DPF3: variants seen among roughly 807,000 people sequenced by gnomAD.
DPF3 encodes zinc finger protein DPF3.
In DPF3, 18 loss-of-function variants were observed where a neutral mutation model predicts 56.8. The ratio of observed to expected loss-of-function variants is 0.32; its 90% CI spans 0.22 to 0.47. The LOEUF is 0.47. Among genes scored for constraint, DPF3 ranks in the 20% least tolerant of loss-of-function variants. The pLI, the probability that DPF3 is intolerant of heterozygous loss-of-function variation, is 1.00. For missense variants in DPF3, 403 were observed against 488.8 expected, an observed-to-expected ratio of 0.82 and a Z score of 1.65; for synonymous variants, 188 against 180.2, an observed-to-expected ratio of 1.04 and a Z score of -0.35.
At chr14:72,701,828 C>T (rs901098637) in intron 6 of DPF3, among the ~76,000 whole-genome samples, 7 of 152,196 alleles carry the variant, frequency 4.6e-5, no homozygotes, top group African/African-American at 1.7e-4. Flanking sequence ...TCACCAGCCA[C>T]AGCTCATTCC....
chr14:72,625,377 C>T (rs1036596584), intron 9 of DPF3, among the ~76,000 whole-genome samples: 6 of 152,178 alleles, frequency 3.9e-5, no homozygotes, highest in Middle Eastern at 3.4e-3. Context: ...TTGGTCATTA[C>T]GGGTTCCTTC....
intron 3 of DPF3, 47 bp downstream of exon 3, chr14:72,753,217 C>T: frequency 1.3e-6 from 2 of 1,582,202 alleles, no homozygotes; most frequent in Non-Finnish European, 8.6e-7. Flanking sequence ...GCCCAGTCCT[C>T]CCACCTTTCC....
chr14:72,813,802 A>G (rs1883166812), intron 1 of DPF3, among the ~76,000 whole-genome samples: 1 of 152,190 alleles, frequency 6.6e-6, no homozygotes, highest in Admixed American at 6.5e-5. Flanking sequence ...AAATGAGATG[A>G]TGGATGCTGG....
chr14:72,885,113 G>A (rs191863350), intron 1 of DPF3, among the ~76,000 whole-genome samples: 204 of 144,496 alleles, frequency 1.4e-3, no homozygotes, highest in African/African-American at 4.7e-3. Flanking sequence ...GCGACAGAGC[G>A]AGACTCCGTC....
intron 6 of DPF3, among the ~76,000 whole-genome samples, chr14:72,713,934 C>T (rs1888772398): frequency 6.6e-6 from 1 of 152,250 alleles, no homozygotes; most frequent in East Asian, 1.9e-4. Flanking sequence ...AGTAAGTCAT[C>T]GTCATAGAAA....
At chr14:72,680,601 C>T (rs1295268955) in intron 7 of DPF3, among the ~76,000 whole-genome samples, 1 of 152,234 alleles carries the variant, frequency 6.6e-6, no homozygotes, top group African/African-American at 2.4e-5. Flanking sequence ...GGAGCGGATG[C>T]GGAAGGCGCT....
intron 6 of DPF3, among the ~76,000 whole-genome samples, chr14:72,707,994 T>C (rs1426848469): frequency 6.6e-6 from 1 of 152,140 alleles, no homozygotes; most frequent in African/African-American, 2.4e-5. Flanking sequence ...TCTACAATGG[T>C]TAATATCTAC....
intron 1 of DPF3, among the ~76,000 whole-genome samples, chr14:72,888,117 C>A (rs540288258): frequency 2.6e-5 from 4 of 152,098 alleles, no homozygotes; most frequent in East Asian, 1.9e-4. Context: ...GGACTCAATG[C>A]GGGCTATTTG....
chr14:72,670,635 TTCTC>T lies in DPF3; in HGVS notation c.871+3601_871+3604del, dbSNP rs140358812. ...ATTGCTTCGATTTCTTTGATTTCCCTTCTCTCTCTCTCTCTCTCTCTCTCGCAAA... is the reference window on the plus strand; with the variant it reads ...ATTGCTTCGATTTCTTTGATTTCCCTTCTCTCTCTCTCTCTCTCTCGCAAA... On this transcript the variant is annotated intron_variant, in intron 8 of 10. Transcript: ENST00000556509. The T allele has an allele frequency of 1.1e-3, 995 of 922,770 alleles. 2 individuals are homozygous for T. Among genetic ancestry groups the T allele is most frequent in the African/African-American group, 7.1e-3 (392 of 55,190 alleles). The allele number at this position is 922,770 out of a possible 1,614,324, so 57.2% of individuals were successfully genotyped here.
At chr14:72,790,438 A>G (rs1027506114) in intron 1 of DPF3, among the ~76,000 whole-genome samples, 17 of 152,164 alleles carry the variant, frequency 1.1e-4, no homozygotes, top group African/African-American at 4.1e-4. Context: ...TGAGCATTCC[A>G]TAATACATGA....
chr14:72,693,737 C>T (rs1189995897), intron 6 of DPF3, among the ~76,000 whole-genome samples: 1 of 152,218 alleles, frequency 6.6e-6, no homozygotes, highest in Admixed American at 6.5e-5. Context: ...CAGGAGCACA[C>T]AACTAGTGTG....
chr14:72,861,778 A>AGAAAGAAT, intron 1 of DPF3, among the ~76,000 whole-genome samples: 1 of 150,448 alleles, frequency 6.6e-6, no homozygotes, highest in South Asian at 2.1e-4. Flanking sequence ...AAAGAAAGAA[A>AGAAAGAAT]GAAAGAAAGA....
chr14:72,848,713 G>C (rs1884855967), intron 1 of DPF3, among the ~76,000 whole-genome samples: 1 of 152,182 alleles, frequency 6.6e-6, no homozygotes, highest in South Asian at 2.1e-4. Context: ...CCGTATCCAG[G>C]TGACTACAAT....
intron 8 of DPF3, among the ~76,000 whole-genome samples, chr14:72,668,680 T>G (rs953382254): frequency 1.4e-5 from 2 of 146,982 alleles, no homozygotes; most frequent in African/African-American, 4.9e-5. Flanking sequence ...ATATGTGGAT[T>G]AAAAAAAAAA....
intron 6 of DPF3, among the ~76,000 whole-genome samples, chr14:72,709,150 G>A (rs553289527): frequency 2.0e-5 from 3 of 152,230 alleles, no homozygotes; most frequent in Non-Finnish European, 2.9e-5. Context: ...CACACTCCCC[G>A]ACTGGGTTTC....
chr14:72,661,324 G>A lies in DPF3; in HGVS notation c.871+12916C>T, dbSNP rs547046567. On this transcript the variant is annotated intron_variant, in intron 8 of 10. Transcript: ENST00000556509. Reference sequence around the variant, plus strand: ...GGAAACCTGAAAGGACTGGCAGGAAGTCGGTGCCCACCTGCCCTGCCCTTT... The same window carrying A: ...GGAAACCTGAAAGGACTGGCAGGAAATCGGTGCCCACCTGCCCTGCCCTTT... 12 of 985,418 alleles carry A rather than the reference G, an allele frequency of 1.2e-5. No homozygotes were observed. In the South Asian group the frequency reaches 2.3e-4, roughly 19 times the overall value. The allele number at this position is 985,418 out of a possible 1,614,324, so 61.0% of individuals were successfully genotyped here.
intron 1 of DPF3, among the ~76,000 whole-genome samples, chr14:72,845,731 T>C (rs2140074879): frequency 6.6e-6 from 1 of 152,250 alleles, no homozygotes; most frequent in Middle Eastern, 3.4e-3. Flanking sequence ...ATCTCCAACA[T>C]CTGTTTCTTT....
At chr14:72,824,532 C>T (rs2140039955) in intron 1 of DPF3, among the ~76,000 whole-genome samples, 1 of 151,042 alleles carries the variant, frequency 6.6e-6, no homozygotes, top group Middle Eastern at 3.4e-3. Flanking sequence ...ATCTCTTTTT[C>T]CATTTACGTT....
chr14:72,751,060 T>G (rs1447498431), intron 3 of DPF3, among the ~76,000 whole-genome samples: 1 of 152,026 alleles, frequency 6.6e-6, no homozygotes, highest in East Asian at 1.9e-4. Flanking sequence ...CATGGTGGCA[T>G]GCACTTGTAG....
Sources: gnomAD v4.1 joint callset for allele counts (sites outside exome capture counted in the v4.1 genomes callset) on GRCh38, gnomAD v4.1.1 for gene constraint, MANE v1.5 for transcripts, NCBI Gene and HGNC (gene_info 2026-07-23, HGNC 2026-07-21) for gene names.